The following MND1 variants were observed in gnomAD, a reference collection of about 807,000 sequenced individuals.
The protein encoded by MND1 is meiotic nuclear division protein 1 homolog.
Under a neutral mutation model 35.1 loss-of-function variants are expected in MND1, and 28 were observed. That is an observed-to-expected ratio of 0.80 (90% confidence interval 0.59 to 1.09). The LOEUF is 1.09. MND1 is among the 50% of genes least tolerant of loss of function. The pLI, the probability that MND1 is intolerant of heterozygous loss-of-function variation, is 0.00. For synonymous variants in MND1, 69 were observed against 70.5 expected, an observed-to-expected ratio of 0.98 and a Z score of 0.11; for missense variants, 213 against 239.6, an observed-to-expected ratio of 0.89 and a Z score of 0.73.
At chr4:153,356,734 A>T (rs1773353330) in intron 3 of MND1, among the ~76,000 whole-genome samples, 1 of 151,776 alleles carries the variant, frequency 6.6e-6, no homozygotes, top group Non-Finnish European at 1.5e-5. Context: ...CGATTTCTTC[A>T]GTTATTAATG....
chr4:153,402,469 C>T (rs1448398006), intron 6 of MND1, among the ~76,000 whole-genome samples: 2 of 152,188 alleles, frequency 1.3e-5, no homozygotes, highest in Admixed American at 1.3e-4. Flanking sequence ...CAAAGGCTTA[C>T]AGGAGCCTAC....
At chr4:153,388,032 C>T (rs1329957974) in intron 4 of MND1, among the ~76,000 whole-genome samples, 1 of 152,068 alleles carries the variant, frequency 6.6e-6, no homozygotes, top group African/African-American at 2.4e-5. Flanking sequence ...CCAATGCAGC[C>T]AGCTTGAATC....
intron 7 of MND1, among the ~76,000 whole-genome samples, chr4:153,413,516 A>G (rs1265381040): frequency 6.6e-6 from 1 of 151,930 alleles, no homozygotes; most frequent in African/African-American, 2.4e-5. Flanking sequence ...TCATCCCTAC[A>G]AAAAATACAA....
intron 1 of MND1, among the ~76,000 whole-genome samples, chr4:153,348,342 T>G (rs1773121779): frequency 6.6e-6 from 1 of 152,108 alleles, no homozygotes; most frequent in South Asian, 2.1e-4. Context: ...GAGTTCAGTT[T>G]AGACTGACGG....
intron 4 of MND1, among the ~76,000 whole-genome samples, chr4:153,361,092 G>C (rs1313515465): frequency 6.6e-6 from 1 of 152,174 alleles, no homozygotes; most frequent in Admixed American, 6.5e-5. Context: ...ACCTACCTCA[G>C]CTTCCCAAAG....
chr4:153,366,091 C>A lies in MND1; in HGVS notation c.276+7469C>A, dbSNP rs73854673. Among the ~76,000 whole-genome samples, 1,377 of 152,308 alleles carry A rather than the reference C, an allele frequency of 9.0e-3. 22 individuals carry two copies. The highest frequency in any genetic ancestry group is 0.029 in the African/African-American group (1,206 of 41,562). ...TAATCTTCCTTGCCTCTTTCAATTT[C>A]TGTGGGCTGCCAGCATTCTTTGACT... On this transcript the variant is annotated intron_variant, in intron 4 of 7. Coordinates refer to ENST00000240488, the MANE Select transcript of MND1 (RefSeq NM_032117.4).
At chr4:153,387,805 T>C (rs376813386) in intron 4 of MND1, among the ~76,000 whole-genome samples, 4 of 151,824 alleles carry the variant, frequency 2.6e-5, no homozygotes, top group African/African-American at 7.3e-5. Flanking sequence ...TATGGCTTTT[T>C]TTTTCTTTTT....
At chr4:153,397,555 G>T (rs1024971359) in intron 6 of MND1, among the ~76,000 whole-genome samples, 1 of 152,126 alleles carries the variant, frequency 6.6e-6, no homozygotes, top group Non-Finnish European at 1.5e-5. Flanking sequence ...GTTGGCTTAT[G>T]CCTGTAATTC....
chr4:153,385,589 A>G (rs566739331), intron 4 of MND1, among the ~76,000 whole-genome samples: 99 of 151,744 alleles, frequency 6.5e-4, no homozygotes, highest in Non-Finnish European at 1.2e-3. Context: ...GGTGGTGCAC[A>G]CTTGTTTTCC....
intron 5 of MND1, among the ~76,000 whole-genome samples, chr4:153,396,776 C>A (rs141663333): frequency 0.02 from 3,073 of 151,964 alleles, 43 homozygotes; most frequent in Non-Finnish European, 0.032. Flanking sequence ...TTAAAATATT[C>A]TTAAAAATTG....
intron 4 of MND1, among the ~76,000 whole-genome samples, chr4:153,369,041 T>C (rs956057107): frequency 2.0e-5 from 3 of 152,228 alleles, no homozygotes; most frequent in Non-Finnish European, 4.4e-5. Context: ...GGCCATATTC[T>C]CATCTGAAGG....
At chr4:153,414,143 C>T (rs1330664430) in intron 7 of MND1, among the ~76,000 whole-genome samples, 1 of 152,136 alleles carries the variant, frequency 6.6e-6, no homozygotes, top group African/African-American at 2.4e-5. Context: ...ACAGTCCTGG[C>T]CTCTGCTGTG....
chr4:153,346,650 G>C (rs1453965517), intron 1 of MND1, among the ~76,000 whole-genome samples: 1 of 152,150 alleles, frequency 6.6e-6, no homozygotes, highest in African/African-American at 2.4e-5. Context: ...AAATCAGCCT[G>C]AAAACAAGGT....
intron 4 of MND1, among the ~76,000 whole-genome samples, chr4:153,363,507 C>T (rs375190740): frequency 3.3e-5 from 5 of 152,088 alleles, no homozygotes; most frequent in Non-Finnish European, 5.9e-5. Context: ...CCATTGCACC[C>T]GGCCTTATTT....
intron 6 of MND1, among the ~76,000 whole-genome samples, chr4:153,407,427 C>T (rs1280032211): frequency 1.3e-5 from 2 of 152,048 alleles, no homozygotes; most frequent in East Asian, 3.9e-4. Context: ...CGCGCTATTG[C>T]ACTCCACCCT....
At chr4:153,379,140 A>T (rs1728593193) in intron 4 of MND1, among the ~76,000 whole-genome samples, 1 of 151,902 alleles carries the variant, frequency 6.6e-6, no homozygotes, top group South Asian at 2.1e-4. Context: ...TACCAAAAAA[A>T]TTAGCTGGGC....
Position 153,400,376 on chromosome 4 carries a change from T to A in MND1, c.466+3043T>A, listed in dbSNP as rs1561077703. 3.9e-5 allele frequency among the ~76,000 whole-genome samples: 6 copies of A among 152,128 alleles called. No homozygotes were observed. The South Asian group carries it at 1.2e-3, about 32-fold the overall frequency. ...CCTTCCTTCCTGGCTTTGTGCATTT[T>A]AAAAAATTTATTAAAGATTATCATC... On this transcript the variant is annotated intron_variant, in intron 6 of 7. Transcript: ENST00000240488.
intron 4 of MND1, among the ~76,000 whole-genome samples, chr4:153,377,802 G>A (rs1234705042): frequency 6.6e-6 from 1 of 152,114 alleles, no homozygotes; most frequent in African/African-American, 2.4e-5. Context: ...TTTAACTTCC[G>A]CCATTTACAT....
chr4:153,409,050 A>G (rs1729606547), intron 7 of MND1, 35 bp downstream of exon 7: 8 of 1,260,392 alleles, frequency 6.3e-6, no homozygotes, highest in Non-Finnish European at 8.3e-6. Context: ...AACTATAGCT[A>G]AATTCCCTTC....
Sources: allele counts gnomAD v4.1 joint callset (sites outside exome capture counted in the v4.1 genomes callset), GRCh38; gene constraint gnomAD v4.1.1; transcripts MANE v1.5; gene names NCBI Gene and HGNC (gene_info 2026-07-23, HGNC 2026-07-21).